Variants in ADGRA2 observed in about 807,000 individuals in gnomAD.
The protein encoded by ADGRA2 is G-protein coupled receptor 124.
Under a neutral mutation model 98.7 loss-of-function variants are expected in ADGRA2, and 61 were observed. The ratio of observed to expected loss-of-function variants is 0.62; its 90% CI spans 0.50 to 0.76. The LOEUF is 0.76. Among genes scored for constraint, ADGRA2 ranks in the 30% least tolerant of loss-of-function variants. ADGRA2 has a pLI of 0.00. For missense variants in ADGRA2, 1,712 were observed against 1,860.0 expected (o/e 0.92, Z 1.46); for synonymous variants, 858 against 831.5 (o/e 1.03, Z -0.55).
chr8:37,813,883 G>C (rs1174285217), intron 1 of ADGRA2, among the ~76,000 whole-genome samples: 1 of 152,174 alleles, frequency 6.6e-6, no homozygotes, highest in African/African-American at 2.4e-5. Context: ...GCTCTTCTTA[G>C]GGCTTGTTCC....
At position 37,841,244 on chromosome 8, in the gene ADGRA2, C is replaced by G. The variant is rs376958708; in HGVS notation, c.2906C>G (p.Ala969Gly). 34 of 1,613,370 alleles carry G rather than the reference C, an allele frequency of 2.1e-5. No individual in the cohort carries two copies. Among genetic ancestry groups the G allele is most frequent in the Non-Finnish European group, 3.4e-6 (4 of 1,179,902 alleles). The change falls in exon 19 of 19, where the codon GCA (alanine) becomes GGA (glycine). Residue 969 changes from alanine (A) to glycine (G), a missense_variant. Coordinates refer to ENST00000412232, the MANE Select transcript of ADGRA2 (RefSeq NM_032777.10). The surrounding 1 kb of genome is among the most constrained non-coding windows in gnomAD (Gnocchi z 5.0). ...GGCAACAGCAGGGCCTCCCTGGAGG[C>G]AGGGGAGGAGCTGAGGGGTTCCACC... is the stretch of plus-strand genomic sequence containing the variant. ...KAGNSRASLE[A>G]GEELRGSTRL...
rs147834043 is a variant in ADGRA2, at chr8:37,822,384, TACAC to T, written c.339-6482_339-6479del. ...CGGCCCCACCCTGCCTGTATGTGGGTACACACACACACACACACACACACAGTCA... is the reference window on the plus strand; with the variant it reads ...CGGCCCCACCCTGCCTGTATGTGGGTACACACACACACACACACACAGTCA... On this transcript the variant is annotated intron_variant, in intron 2 of 18. Transcript: ENST00000412232. 1.4e-4 allele frequency among the ~76,000 whole-genome samples: 20 copies of T among 147,130 alleles called. No individual in the cohort carries two copies. The Middle Eastern group carries it at 0.01, about 77-fold the overall frequency.
intron 17 of ADGRA2, 53 bp downstream of exon 17, chr8:37,840,319 G>A (rs113307109): frequency 8.4e-5 from 133 of 1,584,032 alleles, no homozygotes; most frequent in South Asian, 1.1e-4. Context: ...CAACGCAGGC[G>A]TAGGAAACCT....
Position 37,797,330 on chromosome 8 carries a change from C to T in ADGRA2, c.62C>T (p.Pro21Leu). Reference sequence around the variant, plus strand: ...GCGCGCCTGCTGCTGCCGCTGCTGCCGTGGCTCCTGCTGCTCCTGGCGCCC... The same window carrying T: ...GCGCGCCTGCTGCTGCCGCTGCTGCTGTGGCTCCTGCTGCTCCTGGCGCCC... ...APARLLLPLL[P>L]WLLLLLAPEA... The change falls in exon 1 of 19, where the codon CCG becomes CTG. Residue 21 changes from proline to leucine, a missense_variant. Pro to Leu is a moderately conservative substitution (Grantham distance 98, BLOSUM62 -3). Transcript: ENST00000412232. This position sits in a 1 kb window ranked among gnomAD's most constrained non-coding sequence, Gnocchi z 5.3. 2.9e-6 allele frequency: 4 copies of T among 1,365,148 alleles called. No individual in the cohort carries two copies. Among genetic ancestry groups the T allele is most frequent in the Admixed American group, 3.7e-5 (1 of 27,118 alleles). The allele number at this position is 1,365,148 out of a possible 1,614,324, so 84.6% of individuals were successfully genotyped here. A position where few individuals can be genotyped will look rare whatever the true frequency, so the allele number is the denominator to read the frequency against.
intron 1 of ADGRA2, among the ~76,000 whole-genome samples, chr8:37,805,559 T>A (rs1405835783): frequency 6.6e-6 from 1 of 151,682 alleles, no homozygotes; most frequent in Non-Finnish European, 1.5e-5. Flanking sequence ...CACATAGAGA[T>A]CCGTGTCTAA....
chr8:37,804,550 G>C (rs1414090191), intron 1 of ADGRA2, among the ~76,000 whole-genome samples: 1 of 152,204 alleles, frequency 6.6e-6, no homozygotes, highest in East Asian at 1.9e-4. Context: ...GCAAACAGGA[G>C]GTCAAAATAC....
chr8:37,829,949 G>A lies in ADGRA2; in HGVS notation c.653G>A (p.Cys218Tyr). 6.2e-7 allele frequency: 1 copy of A among 1,610,546 alleles called. No homozygotes were observed. Among genetic ancestry groups the A allele is most frequent in the Non-Finnish European group, 8.5e-7 (1 of 1,179,678 alleles). The change falls in exon 6 of 19, where the codon TGT becomes TAT. Residue 218 changes from cysteine to tyrosine, a missense_variant. Transcript: ENST00000412232. Reference protein sequence around the residue: ...RSLQLSEHTLCAYPSALHAQA... With the variant: ...RSLQLSEHTLYAYPSALHAQA... ...CTGCAGCTGTCGGAACACACGCTCT[G>A]TGCTTACCCCAGTGCCCTGCATGCT... is the stretch of plus-strand genomic sequence containing the variant.
chr8:37,821,795 T>C (rs1351362525), intron 2 of ADGRA2, among the ~76,000 whole-genome samples: 1 of 152,190 alleles, frequency 6.6e-6, no homozygotes, highest in Admixed American at 6.5e-5. Context: ...GGGGCTGGTA[T>C]GCAGGGGTGC....
At position 37,842,126 on chromosome 8, in the gene ADGRA2, T is replaced by C. The variant is rs1196727304; in HGVS notation, c.3788T>C (p.Leu1263Pro). ...SEGSDTSAAP[L>P]SEAGRAGQRR... ...GGCAGCGACACCAGCGCCGCGCCGC[T>C]TTCTGAGGCGGGCCGGGCAGGCCAG... The change falls in exon 19 of 19, where the codon CTT becomes CCT. Residue 1263 changes from leucine to proline, a missense_variant. By Grantham distance (98) the Leu-to-Pro change is moderately conservative. Coordinates refer to ENST00000412232, the MANE Select transcript of ADGRA2 (RefSeq NM_032777.10). The C allele has an allele frequency of 1.5e-5, 22 of 1,496,912 alleles. No homozygotes were observed. Among genetic ancestry groups the C allele is most frequent in the Non-Finnish European group, 6.2e-6 (7 of 1,131,128 alleles). 92.7% of individuals were successfully genotyped at this position (1,496,912 alleles called of 1,614,324 possible).
chr8:37,815,902 C>T (rs534140943), intron 2 of ADGRA2, among the ~76,000 whole-genome samples: 1 of 152,350 alleles, frequency 6.6e-6, no homozygotes, highest in African/African-American at 2.4e-5. Context: ...TAGAGCCTGA[C>T]TCTTGCTTTC....
intron 9 of ADGRA2, 111 bp downstream of exon 9, chr8:37,833,319 C>G: frequency 1.2e-6 from 1 of 833,486 alleles, no homozygotes; most frequent in Non-Finnish European, 1.8e-6. Flanking sequence ...GGCTGTGCCT[C>G]CTGTTCCTGC....
chr8:37,844,425 C>T lies in ADGRA2; in HGVS notation c.*2070C>T, dbSNP rs1585414778. The T allele has an allele frequency of 5.1e-6, 8 of 1,570,552 alleles. No homozygotes were observed. In the East Asian group the frequency reaches 1.8e-4, roughly 35 times the overall value. On this transcript the variant is annotated 3_prime_UTR_variant, in exon 19 of 19. Coordinates refer to ENST00000412232, the MANE Select transcript of ADGRA2 (RefSeq NM_032777.10). ...CTACGGACTGGTGTACACTTCCATC[C>T]TTGGTTATAACAGGAATGTTATCAA... is the stretch of plus-strand genomic sequence containing the variant.
intron 2 of ADGRA2, among the ~76,000 whole-genome samples, chr8:37,826,079 G>A (rs984945322): frequency 6.6e-6 from 1 of 152,210 alleles, no homozygotes; most frequent in African/African-American, 2.4e-5. Flanking sequence ...AGGCGGGTGG[G>A]GGCTTTTGAG....
chr8:37,838,894 C>A, intron 14 of ADGRA2, 62 bp from the exon 15 acceptor site: 3 of 1,511,794 alleles, frequency 2.0e-6, no homozygotes, highest in Non-Finnish European at 2.7e-6. Flanking sequence ...AAGAGGAAAG[C>A]TGGCCTGGGG....
rs968855593 is a variant in ADGRA2 at position 37,830,654 on chromosome 8, G to A, written c.719-56G>A. The A allele has an allele frequency of 1.0e-4, 57 of 543,502 alleles. No homozygotes were observed. The highest frequency in any genetic ancestry group is 2.3e-4 in the East Asian group (3 of 12,814). The allele number at this position is 543,502 out of a possible 1,614,324, so 33.7% of individuals were successfully genotyped here. On this transcript the variant is annotated intron_variant, in intron 6 of 18. Coordinates refer to ENST00000412232, the MANE Select transcript of ADGRA2 (RefSeq NM_032777.10). This position sits in a 1 kb window ranked among gnomAD's most constrained non-coding sequence, Gnocchi z 4.8. ...CATCCTGCTGGACTCTCGCTCACAC[G>A]TGCAGCCTCACATGCGTGTGCACTC...
At position 37,833,106 on chromosome 8, in the gene ADGRA2, A is replaced by G. The variant is rs1266317196; in HGVS notation, c.1194A>G (p.Arg398=). The part of the protein sequence containing the change: ...VPLGGGAPGT[R]ASRRCDRAGR... ...TGGGCGGGGGTGCCCCGGGCACCCG[A>G]GCCTCCCGCCGGTGTGACCGTGCCG... is the stretch of plus-strand genomic sequence containing the variant. Residue 398 remains arginine, a synonymous_variant, in exon 9 of 19, where the codon CGA becomes CGG. Transcript: ENST00000412232. 3.7e-5 allele frequency: 60 copies of G among 1,611,430 alleles called. No homozygotes were observed. Among genetic ancestry groups the G allele is most frequent in the Non-Finnish European group, 4.9e-5 (58 of 1,179,490 alleles).
intron 1 of ADGRA2, among the ~76,000 whole-genome samples, chr8:37,813,854 G>A (rs16887042): frequency 0.063 from 9,561 of 152,204 alleles, 402 homozygotes; most frequent in African/African-American, 0.12. Context: ...AGGAAGCTTC[G>A]AGGCTCATCT....
At chr8:37,820,427 C>T (rs1203253824) in intron 2 of ADGRA2, among the ~76,000 whole-genome samples, 2 of 152,234 alleles carry the variant, frequency 1.3e-5, no homozygotes, top group Non-Finnish European at 2.9e-5. Context: ...ACATGCTATG[C>T]AGGCAATTCT....
At chr8:37,831,291 G>A in intron 7 of ADGRA2, 132 bp from the exon 8 acceptor site, 1 of 771,754 alleles carries the variant, frequency 1.3e-6, no homozygotes, top group Non-Finnish European at 2.1e-6. Flanking sequence ...AATAAAAGGA[G>A]TGCATACTTG....
Sources: gnomAD v4.1 joint callset for allele counts (sites outside exome capture counted in the v4.1 genomes callset) on GRCh38, gnomAD v4.1.1 for gene constraint, Gnocchi (gnomAD v3.1) non-coding constraint, MANE v1.5 for transcripts, NCBI Gene and HGNC (gene_info 2026-07-23, HGNC 2026-07-21) for gene names.